The following ZFC3H1 variants were observed in gnomAD, a reference collection of about 807,000 sequenced individuals.
The protein encoded by ZFC3H1 is zinc finger C3H1 domain-containing protein.
Under a neutral mutation model 243.7 loss-of-function variants are expected in ZFC3H1, and 71 were observed. That is an observed-to-expected ratio of 0.29 (90% confidence interval 0.24 to 0.36). The LOEUF is 0.36. Among genes scored for constraint, ZFC3H1 ranks in the 10% least tolerant of loss-of-function variants. The pLI, the probability that ZFC3H1 is intolerant of heterozygous loss-of-function variation, is 1.00. For missense variants in ZFC3H1, 1,966 were observed against 2,317.1 expected (o/e 0.85, Z 3.11); for synonymous variants, 838 against 813.0 (o/e 1.03, Z -0.52).
chr12:71,628,244 C>A (rs931393237), intron 20 of ZFC3H1, among the ~76,000 whole-genome samples: 2 of 152,160 alleles, frequency 1.3e-5, no homozygotes, highest in African/African-American at 4.8e-5. Flanking sequence ...ACTGCTTTTT[C>A]ATTATTATCA....
At chr12:71,662,588 T>C (rs542139778) in intron 1 of ZFC3H1, among the ~76,000 whole-genome samples, 1 of 150,768 alleles carries the variant, frequency 6.6e-6, no homozygotes, top group East Asian at 2.0e-4. Context: ...ATTAAAACTT[T>C]ACAATTTTCA....
chr12:71,628,726 A>T (rs1880234837), intron 20 of ZFC3H1, among the ~76,000 whole-genome samples, 192 bp downstream of exon 20: 1 of 152,160 alleles, frequency 6.6e-6, no homozygotes, highest in South Asian at 2.1e-4. Context: ...ATGAACACAA[A>T]TATCCCGCAA....
intron 2 of ZFC3H1, among the ~76,000 whole-genome samples, chr12:71,653,230 A>G (rs886566443): frequency 6.6e-6 from 1 of 152,208 alleles, no homozygotes; most frequent in African/African-American, 2.4e-5. Context: ...ATGAAATAGT[A>G]AAACAAAAAC....
chr12:71,657,346 G>GT, intron 1 of ZFC3H1, 45 bp from the exon 2 acceptor site: 1 of 1,355,732 alleles, frequency 7.4e-7, no homozygotes, highest in Non-Finnish European at 9.7e-7. Flanking sequence ...ATTTTCCACA[G>GT]TTAAATTTAA....
At position 71,614,696 on chromosome 12, in the gene ZFC3H1, G is replaced by A; in HGVS notation, c.5365C>T (p.Leu1789Phe). 6.3e-7 allele frequency: 1 copy of A among 1,599,756 alleles called. No homozygotes were observed. Among genetic ancestry groups the A allele is most frequent in the Non-Finnish European group, 8.5e-7 (1 of 1,175,900 alleles). The change falls in exon 30 of 35, where the codon CTT (leucine) becomes TTT (phenylalanine). Residue 1789 changes from leucine to phenylalanine, a missense_variant. Around this residue, in one of 4 missense-constraint regions of ZFC3H1, gnomAD observed 1,383 missense variants for 1,723.7 expected, o/e 0.80. Coordinates refer to ENST00000378743, the MANE Select transcript of ZFC3H1 (RefSeq NM_144982.5). ...DIVQKIWMDY[L>F]VFANNRAAGS... ...GCAGCTCTATTATTTGCAAAGACAAGATAACTGCCAAAAGAAAAATATTAT... is the reference window on the plus strand; with the variant it reads ...GCAGCTCTATTATTTGCAAAGACAAAATAACTGCCAAAAGAAAAATATTAT...
chr12:71,638,664 G>A, intron 6 of ZFC3H1, 149 bp from the exon 7 acceptor site: 2 of 626,206 alleles, frequency 3.2e-6, no homozygotes, highest in Non-Finnish European at 5.4e-6. Context: ...CCCCTCATGA[G>A]TCCACCTCCA....
At position 71,646,657 on chromosome 12, in the gene ZFC3H1, G is replaced by A. The variant is rs1027586599; in HGVS notation, c.1080+1092C>T. Among the ~76,000 whole-genome samples the A allele has an allele frequency of 3.3e-5, 5 of 151,976 alleles. No homozygotes were observed. In the South Asian group the frequency reaches 8.3e-4, roughly 25 times the overall value. On this transcript the variant is annotated intron_variant, in intron 3 of 34. Transcript: ENST00000378743. Reference sequence around the variant, plus strand: ...TTTCAACTTTGGATCTCACTATGTTGCCCAGGCTGGTCTCAAACTCCTGAG... The same window carrying A: ...TTTCAACTTTGGATCTCACTATGTTACCCAGGCTGGTCTCAAACTCCTGAG...
intron 2 of ZFC3H1, among the ~76,000 whole-genome samples, chr12:71,652,968 C>T (rs545220915): frequency 6.6e-6 from 1 of 151,714 alleles, no homozygotes; most frequent in Non-Finnish European, 1.5e-5. Flanking sequence ...AAACAACGAC[C>T]ATCTCATATT....
intron 22 of ZFC3H1, among the ~76,000 whole-genome samples, chr12:71,624,931 C>T (rs1218025004): frequency 6.6e-6 from 1 of 152,316 alleles, no homozygotes; most frequent in South Asian, 2.1e-4. Flanking sequence ...CACACCATTG[C>T]ACTCCAGCCT....
At position 71,634,172 on chromosome 12, in the gene ZFC3H1, T is replaced by C; in HGVS notation, c.2493A>G (p.Ser831=). The part of the protein sequence containing the change: ...MVTKQVTDAE[S]KLKKHRILLM... ...AGGCTCACCTATGTTTTTTCAGTTT[T>C]GATTCTGCATCTGTAACCTGCTTAG... The change falls in exon 12 of 35, where the codon TCA becomes TCG. Residue 831 remains serine (S), a synonymous_variant. Coordinates refer to ENST00000378743, the MANE Select transcript of ZFC3H1 (RefSeq NM_144982.5). 6.2e-7 allele frequency: 1 copy of C among 1,611,650 alleles called. No individual in the cohort carries two copies. The highest frequency in any genetic ancestry group is 2.2e-5 in the East Asian group (1 of 44,834).
Position 71,634,224 on chromosome 12 carries a change from T to C in ZFC3H1, c.2441A>G (p.Asp814Gly), listed in dbSNP as rs750712899. The C allele has an allele frequency of 6.2e-7, 1 of 1,614,090 alleles. No individual in the cohort carries two copies. The highest frequency in any genetic ancestry group is 1.1e-5 in the South Asian group (1 of 91,080). Residue 814 changes from aspartate to glycine, a missense_variant, in exon 12 of 35, where the codon GAT becomes GGT. This residue lies in a region of ZFC3H1 where 1,383 missense variants were observed against 1,723.7 expected (regional missense o/e 0.80). Transcript: ENST00000378743. ...SSPANSDVEI[D>G]GIGRIAMVTK... is the part of the protein sequence containing the mutation. ...AACCATTGCTATCCTGCCAATACCATCAATTTCCACATCAGAGTTTGCTGG... is the reference window on the plus strand; with the variant it reads ...AACCATTGCTATCCTGCCAATACCACCAATTTCCACATCAGAGTTTGCTGG...
At chr12:71,656,363 A>C in intron 2 of ZFC3H1, 1 of 449,678 alleles carries the variant, frequency 2.2e-6, no homozygotes, top group Non-Finnish European at 3.9e-6. Context: ...GTATATCATA[A>C]ACTGTATTAA....
chr12:71,634,374 T>G, intron 11 of ZFC3H1, 70 bp from the exon 12 acceptor site: 1 of 1,492,574 alleles, frequency 6.7e-7, no homozygotes, highest in Non-Finnish European at 9.1e-7. Context: ...AAATGTATTC[T>G]ATTTCATGCA....
intron 2 of ZFC3H1, among the ~76,000 whole-genome samples, chr12:71,653,058 AACCCCCAAAG>A (rs1880931515): frequency 6.6e-6 from 1 of 152,196 alleles, no homozygotes; most frequent in African/African-American, 2.4e-5. Flanking sequence ...TCAGAAATCA[AACCCCCAAAG>A]ACCTGAGATA....
Position 71,634,254 on chromosome 12 carries a change from G to A in ZFC3H1, c.2411C>T (p.Ser804Leu), listed in dbSNP as rs1338070213. The A allele has an allele frequency of 1.2e-6, 2 of 1,614,056 alleles. No homozygotes were observed. Among genetic ancestry groups the A allele is most frequent in the Admixed American group, 1.7e-5 (1 of 60,014 alleles). Reference sequence around the variant, plus strand: ...TTCCACATCAGAGTTTGCTGGGGATGATGAACTTGTCTTCAGCTGATCTGA... The same window carrying A: ...TTCCACATCAGAGTTTGCTGGGGATAATGAACTTGTCTTCAGCTGATCTGA... ...IKSDQLKTSS[S>L]SPANSDVEID... The change falls in exon 12 of 35, where the codon TCA becomes TTA. Residue 804 changes from serine to leucine, a missense_variant. By Grantham distance (145) the Ser-to-Leu change is moderately radical (BLOSUM62 -2). This residue lies in a region of ZFC3H1 where 1,383 missense variants were observed against 1,723.7 expected (regional missense o/e 0.80). Transcript: ENST00000378743.
Position 71,626,445 on chromosome 12 carries a change from C to A in ZFC3H1, c.4132G>T (p.Glu1378Ter). 6.2e-7 allele frequency: 1 copy of A among 1,602,334 alleles called. No homozygotes were observed. Among genetic ancestry groups the A allele is most frequent in the Non-Finnish European group, 8.5e-7 (1 of 1,173,886 alleles). The change falls in exon 22 of 35, where the codon GAG (glutamate) becomes TAG (stop). Residue 1378 changes from glutamate (E) to a stop codon, truncating the protein, a stop_gained and splice_region_variant. Coordinates refer to ENST00000378743, the MANE Select transcript of ZFC3H1 (RefSeq NM_144982.5). LOFTEE classifies it high-confidence loss of function. The part of the protein sequence containing the change: ...AYKYLNQNEG[E>*]CSESLDSALN... ...GCAGAATCCAAGGATTCTGAGCACT[C>A]CCTGTATATATAAAAGAAAAGGTGG...
At position 71,638,499 on chromosome 12, in the gene ZFC3H1, T is replaced by C. The variant is rs78101876; in HGVS notation, c.1644A>G (p.Gln548=). ...ATGAACATTCAGAGAAAAATGGCGG[T>C]TGCACTGGTGAAGGAGCTGTAAAAA... ...ETSSPAPSPV[Q]PPFFSECSLG... is the part of the protein sequence containing the mutation. The change falls in exon 7 of 35, where the codon CAA becomes CAG. Residue 548 remains glutamine, a synonymous_variant. Transcript: ENST00000378743. 161 of 1,610,588 alleles carry C rather than the reference T, an allele frequency of 1.0e-4. No individual in the cohort carries two copies. The African/African-American group carries it at 2.0e-3, about 20-fold the overall frequency.
Position 71,636,893 on chromosome 12 carries a change from T to A in ZFC3H1, c.1892A>T (p.Glu631Val). 2 of 1,614,038 alleles carry A rather than the reference T, an allele frequency of 1.2e-6. No homozygotes were observed. Among genetic ancestry groups the A allele is most frequent in the Non-Finnish European group, 1.7e-6 (2 of 1,179,954 alleles). The change falls in exon 8 of 35, where the codon GAA becomes GTA. Residue 631 changes from glutamate to valine, a missense_variant. Transcript: ENST00000378743. ...EEEEEMLLRE[E>V]LLKSLANKRA... ...TTTATTTGCTAGAGATTTAAGTAGTTCTTCTCGAAGCAGCATTTCTTCCTC... is the reference window on the plus strand; with the variant it reads ...TTTATTTGCTAGAGATTTAAGTAGTACTTCTCGAAGCAGCATTTCTTCCTC...
At chr12:71,620,361 A>G (rs1280308590) in intron 24 of ZFC3H1, 46 bp from the exon 25 acceptor site, 2 of 1,594,216 alleles carry the variant, frequency 1.3e-6, no homozygotes, top group Admixed American at 3.3e-5. Flanking sequence ...AATCATAAAA[A>G]TGAAATATTT....
Sources: allele counts gnomAD v4.1 joint callset (sites outside exome capture counted in the v4.1 genomes callset), GRCh38; gene constraint gnomAD v4.1.1; regional missense constraint gnomAD v4.1.1; transcripts MANE v1.5; gene names NCBI Gene and HGNC (gene_info 2026-07-23, HGNC 2026-07-21).